The following CFAP61 variants were observed in gnomAD, a reference collection of about 807,000 sequenced individuals.
CFAP61 encodes cilia- and flagella-associated protein 61.
A neutral mutation model predicts 135.6 loss-of-function variants in CFAP61; 107 were observed. The ratio of observed to expected loss-of-function variants is 0.79; its 90% CI spans 0.67 to 0.93. The LOEUF is 0.93. Ranked by LOEUF, CFAP61 falls within the 40% of genes least tolerant of loss-of-function variation. The probability of loss-of-function intolerance (pLI) is 0.00; values close to 1 mark genes in which losing one functional copy is unlikely to be tolerated. For synonymous variants in CFAP61, 575 were observed against 578.5 expected, an observed-to-expected ratio of 0.99 and a Z score of 0.09; for missense variants, 1,507 against 1,556.2, an observed-to-expected ratio of 0.97 and a Z score of 0.53.
chr20:20,323,121 C>T (rs1437238411), intron 25 of CFAP61: 1 of 985,356 alleles, frequency 1.0e-6, no homozygotes, highest in East Asian at 1.1e-4. Flanking sequence ...CACTCGACTT[C>T]AACTTCTTCC....
intron 13 of CFAP61, among the ~76,000 whole-genome samples, chr20:20,170,981 A>G (rs557855343): frequency 6.6e-6 from 1 of 152,200 alleles, no homozygotes; most frequent in South Asian, 2.1e-4. Flanking sequence ...GTTAGGTATC[A>G]TTATTATCCT....
chr20:20,085,127 C>T, intron 6 of CFAP61: 1 of 985,456 alleles, frequency 1.0e-6, no homozygotes, highest in Non-Finnish European at 1.2e-6. Flanking sequence ...TCCGCATCTT[C>T]ATCGCCACTG....
intron 21 of CFAP61, among the ~76,000 whole-genome samples, chr20:20,269,117 CTATATA>C (rs142189443): frequency 0.065 from 6,731 of 104,196 alleles, 500 homozygotes; most frequent in Non-Finnish European, 0.083. Context: ...TATTCGTGGG[CTATATA>C]TATATATATA....
intron 17 of CFAP61, among the ~76,000 whole-genome samples, chr20:20,215,957 G>A (rs1159024815): frequency 2.0e-5 from 3 of 152,130 alleles, no homozygotes; most frequent in Admixed American, 2.0e-4. Flanking sequence ...AGTGGTAACT[G>A]TTGCTTAAGA....
At position 20,247,956 on chromosome 20, in the gene CFAP61, G is replaced by A. The variant is rs553142849; in HGVS notation, c.2159+1741G>A. Among the ~76,000 whole-genome samples, 8 of 152,068 alleles carry A rather than the reference G, an allele frequency of 5.3e-5. 1 individual carries two copies. Among genetic ancestry groups the A allele is most frequent in the Admixed American group, 3.3e-4 (5 of 15,290 alleles). ...TGCTACTTAAATCCTCCTAAATATT[G>A]TATTATTTGCCTTTTGAAATAATGT... On this transcript the variant is annotated intron_variant, in intron 19 of 26. Coordinates refer to ENST00000245957, the MANE Select transcript of CFAP61 (RefSeq NM_015585.4).
intron 25 of CFAP61, among the ~76,000 whole-genome samples, chr20:20,330,743 C>T (rs908145349): frequency 5.3e-5 from 8 of 152,142 alleles, no homozygotes; most frequent in Non-Finnish European, 1.2e-4. Flanking sequence ...TGTTTTCCTA[C>T]CTGTAGAACA....
chr20:20,244,396 A>G (rs1168893790), intron 18 of CFAP61, among the ~76,000 whole-genome samples: 3 of 152,248 alleles, frequency 2.0e-5, no homozygotes, highest in South Asian at 2.1e-4. Context: ...TCAAACCTCA[A>G]TTCTTGACTT....
At chr20:20,158,162 A>G (rs551431427) in intron 9 of CFAP61, among the ~76,000 whole-genome samples, 1 of 151,798 alleles carries the variant, frequency 6.6e-6, no homozygotes, top group East Asian at 1.9e-4. Flanking sequence ...TAGTGGGTGC[A>G]GCGCACCACC....
chr20:20,210,229 T>C (rs1204121825), intron 17 of CFAP61, among the ~76,000 whole-genome samples: 2 of 152,178 alleles, frequency 1.3e-5, no homozygotes, highest in African/African-American at 2.4e-5. Flanking sequence ...TCCACTTTCC[T>C]GGCCTTAGCC....
At chr20:20,118,758 T>C (rs1432784659) in intron 8 of CFAP61, among the ~76,000 whole-genome samples, 1 of 152,210 alleles carries the variant, frequency 6.6e-6, no homozygotes, top group African/African-American at 2.4e-5. Context: ...TTTTTGTTCT[T>C]GGTTTTGTTA....
intron 9 of CFAP61, among the ~76,000 whole-genome samples, chr20:20,147,730 A>T (rs551763971): frequency 1.2e-4 from 19 of 152,228 alleles, no homozygotes; most frequent in African/African-American, 4.6e-4. Context: ...TGCTGTGCAG[A>T]AACTTTTTAG....
chr20:20,169,924 T>G (rs1282147630), intron 13 of CFAP61, among the ~76,000 whole-genome samples: 1 of 152,210 alleles, frequency 6.6e-6, no homozygotes, highest in Non-Finnish European at 1.5e-5. Context: ...CTCAGGTGAT[T>G]AAAGAGTTAA....
intron 8 of CFAP61, among the ~76,000 whole-genome samples, chr20:20,141,796 T>C (rs1360556267): frequency 6.6e-6 from 1 of 152,176 alleles, no homozygotes; most frequent in African/African-American, 2.4e-5. Flanking sequence ...CCCTGGCTGC[T>C]CTGGCTCTGC....
rs1321042134 is a variant in CFAP61, at chr20:20,225,072, C to T, written c.1933-3177C>T. 4.6e-5 allele frequency among the ~76,000 whole-genome samples: 7 copies of T among 152,172 alleles called. No individual in the cohort carries two copies. In the East Asian group the frequency reaches 1.4e-3, roughly 29 times the overall value. ...TGTCTGTTTTTCTTTCCCATGAAAA[C>T]TTGTAGTTTGAAGGAACATAAAGGA... On this transcript the variant is annotated intron_variant, in intron 17 of 26. Transcript: ENST00000245957.
At chr20:20,264,226 TTCTC>T (rs1381980458) in intron 21 of CFAP61, among the ~76,000 whole-genome samples, 3 of 152,158 alleles carry the variant, frequency 2.0e-5, no homozygotes, top group African/African-American at 7.2e-5. Context: ...TGACCTGTAG[TTCTC>T]TCTTTTATGC....
At chr20:20,157,077 T>G (rs1189395576) in intron 9 of CFAP61, among the ~76,000 whole-genome samples, 1 of 152,134 alleles carries the variant, frequency 6.6e-6, no homozygotes, top group Non-Finnish European at 1.5e-5. Context: ...TCAAGATTAA[T>G]TATTGTAAGA....
At chr20:20,133,526 A>C (rs1239625347) in intron 8 of CFAP61, among the ~76,000 whole-genome samples, 1 of 152,234 alleles carries the variant, frequency 6.6e-6, no homozygotes, top group African/African-American at 2.4e-5. Context: ...TTAAACCCAG[A>C]ATCAGAGTGA....
chr20:20,168,236 A>G (rs955741850), intron 12 of CFAP61, among the ~76,000 whole-genome samples: 14 of 152,052 alleles, frequency 9.2e-5, no homozygotes, highest in Admixed American at 8.5e-4. Flanking sequence ...CTAATTAAAA[A>G]AAAAATTGTA....
intron 25 of CFAP61, among the ~76,000 whole-genome samples, chr20:20,315,474 G>A (rs1055888396): frequency 1.2e-4 from 18 of 152,208 alleles, no homozygotes; most frequent in East Asian, 3.9e-4. Flanking sequence ...AAATTTTCTC[G>A]CATTGTGTAG....
Sources: allele counts gnomAD v4.1 joint callset (sites outside exome capture counted in the v4.1 genomes callset), GRCh38; gene constraint gnomAD v4.1.1; transcripts MANE v1.5; gene names NCBI Gene and HGNC (gene_info 2026-07-23, HGNC 2026-07-21).